Variants in XPO7 observed in about 807,000 individuals in gnomAD.
XPO7 encodes the protein exportin 7, also known as exportin-7.
Under a neutral mutation model 144.3 loss-of-function variants are expected in XPO7, and 21 were observed. The ratio of observed to expected loss-of-function variants is 0.15; its 90% confidence interval spans 0.10 to 0.21. The LOEUF (loss-of-function observed/expected upper bound fraction) is 0.21. Among genes scored for constraint, XPO7 ranks in the 10% least tolerant of loss-of-function variants. The pLI is 1.00. For synonymous variants in XPO7, 580 were observed against 499.6 expected (o/e 1.16, Z -2.15); for missense variants, 808 against 1,325.8 (o/e 0.61, Z 6.06).
At chr8:21,936,076 A>G (rs1158236017) in intron 1 of XPO7, among the ~76,000 whole-genome samples, 2 of 152,186 alleles carry the variant, frequency 1.3e-5, no homozygotes, top group South Asian at 4.1e-4. Flanking sequence ...CTTACCACCT[A>G]TCAGACAATT....
intron 1 of XPO7, among the ~76,000 whole-genome samples, chr8:21,964,616 A>C (rs1480534511): frequency 1.3e-5 from 2 of 148,964 alleles, no homozygotes; most frequent in Non-Finnish European, 3.0e-5. Flanking sequence ...CTGGGAACAA[A>C]AAAAAAAAAT....
Position 22,005,052 on chromosome 8 carries a change from C to A in XPO7, c.3228C>A (p.Ser1076=). The part of the protein sequence containing the change: ...RREVNDSMKN[S]TYGVNSNDMM... ...AAGTCAACGACTCAATGAAGAATTC[C>A]ACTTATGGCGTGAATAGCAATGACA... The change falls in exon 28 of 28, where the codon TCC becomes TCA. Residue 1076 remains serine, a synonymous_variant. Coordinates refer to ENST00000252512, the MANE Select transcript of XPO7 (RefSeq NM_015024.5). The A allele has an allele frequency of 6.2e-7, 1 of 1,613,038 alleles. No homozygotes were observed.
intron 1 of XPO7, among the ~76,000 whole-genome samples, chr8:21,921,156 A>G (rs914609830): frequency 3.3e-5 from 5 of 152,226 alleles, no homozygotes; most frequent in Non-Finnish European, 7.3e-5. Context: ...AATAATGATA[A>G]TAATAATAGT....
chr8:21,923,780 T>C (rs1347185100), intron 1 of XPO7, among the ~76,000 whole-genome samples: 1 of 152,246 alleles, frequency 6.6e-6, no homozygotes, highest in Non-Finnish European at 1.5e-5. Context: ...TTCTTTTTTC[T>C]TGGTTGGGTT....
chr8:21,952,982 G>C (rs1231343506), intron 1 of XPO7, among the ~76,000 whole-genome samples: 1 of 152,156 alleles, frequency 6.6e-6, no homozygotes, highest in African/African-American at 2.4e-5. Context: ...TGAGCAGAAA[G>C]TACAGAGTTC....
At chr8:21,977,500 A>G (rs1812264215) in intron 7 of XPO7, among the ~76,000 whole-genome samples, 1 of 152,020 alleles carries the variant, frequency 6.6e-6, no homozygotes, top group Non-Finnish European at 1.5e-5. Flanking sequence ...AATCCTTTAA[A>G]CCGGGACCTG....
At chr8:21,934,216 G>A (rs1810745794) in intron 1 of XPO7, among the ~76,000 whole-genome samples, 1 of 152,120 alleles carries the variant, frequency 6.6e-6, no homozygotes, top group African/African-American at 2.4e-5. Flanking sequence ...GAAATATTTT[G>A]GCCAGGTGCG....
chr8:21,980,680 C>T (rs1812376466), intron 9 of XPO7, among the ~76,000 whole-genome samples: 1 of 151,192 alleles, frequency 6.6e-6, no homozygotes, highest in Non-Finnish European at 1.5e-5. Context: ...GAGGCTGAGG[C>T]AGGAGAATCG....
chr8:21,941,948 G>A (rs765725504), intron 1 of XPO7, among the ~76,000 whole-genome samples: 9 of 152,098 alleles, frequency 5.9e-5, no homozygotes, highest in Non-Finnish European at 8.8e-5. Flanking sequence ...GATGTCTAAA[G>A]AAGCACACAT....
chr8:21,993,114 C>A (rs1812823474), intron 19 of XPO7, among the ~76,000 whole-genome samples: 1 of 152,120 alleles, frequency 6.6e-6, no homozygotes, highest in Non-Finnish European at 1.5e-5. Flanking sequence ...AGGTACCATT[C>A]AAAGCTTGGG....
chr8:21,947,963 G>A (rs1445433261), intron 1 of XPO7, among the ~76,000 whole-genome samples: 1 of 152,210 alleles, frequency 6.6e-6, no homozygotes. Flanking sequence ...AACATGGCAT[G>A]TTTGAAAGCC....
intron 1 of XPO7, among the ~76,000 whole-genome samples, chr8:21,922,193 GT>G (rs1236530929): frequency 1.3e-5 from 2 of 152,138 alleles, no homozygotes; most frequent in African/African-American, 4.8e-5. Flanking sequence ...AGGGTGAGCA[GT>G]TTTTTCATAA....
intron 1 of XPO7, among the ~76,000 whole-genome samples, chr8:21,959,125 A>G (rs1811638058): frequency 6.6e-6 from 1 of 152,204 alleles, no homozygotes; most frequent in Non-Finnish European, 1.5e-5. Context: ...CATTTTAGTG[A>G]GTAGGTGAAT....
intron 4 of XPO7, among the ~76,000 whole-genome samples, chr8:21,971,116 G>A (rs372423176): frequency 1.3e-3 from 200 of 152,174 alleles, no homozygotes; most frequent in Middle Eastern, 3.4e-3. Context: ...TGTTATAGTT[G>A]CCCACAGTAT....
At chr8:21,969,880 G>T (rs17060681) in intron 3 of XPO7, 2 of 538,594 alleles carry the variant, frequency 3.7e-6, no homozygotes, top group Non-Finnish European at 6.5e-6. Context: ...TGTAGACCAC[G>T]TTCTTTAGCT....
chr8:21,970,633 A>AGCG (rs1349393141), intron 4 of XPO7, among the ~76,000 whole-genome samples: 4 of 152,378 alleles, frequency 2.6e-5, no homozygotes, highest in African/African-American at 4.8e-5. Flanking sequence ...TTCAGTGAAT[A>AGCG]GCCCAGTACA....
chr8:22,002,000 C>T (rs1479351350), intron 24 of XPO7, 112 bp from the exon 25 acceptor site: 17 of 1,300,228 alleles, frequency 1.3e-5, no homozygotes, highest in Non-Finnish European at 1.8e-5. Context: ...CTTGAGCAAC[C>T]GCCTTGGTTG....
At chr8:21,955,724 C>CTTTTTTTTTTT (rs71544845) in intron 1 of XPO7, among the ~76,000 whole-genome samples, 23 of 102,752 alleles carry the variant, frequency 2.2e-4, no homozygotes, top group African/African-American at 3.1e-4. Context: ...CTGTGCTTAC[C>CTTTTTTTTTTT]TTTTTTTTTT....
intron 1 of XPO7, among the ~76,000 whole-genome samples, chr8:21,930,619 T>A (rs765620943): frequency 2.6e-5 from 4 of 152,150 alleles, no homozygotes; most frequent in Non-Finnish European, 1.5e-5. Flanking sequence ...AAAGCAAATA[T>A]GGCTTCTGTG....
Sources: allele counts gnomAD v4.1 joint callset (sites outside exome capture counted in the v4.1 genomes callset), GRCh38; gene constraint gnomAD v4.1.1; transcripts MANE v1.5; gene names NCBI Gene and HGNC (gene_info 2026-07-23, HGNC 2026-07-21).